NIT2: variants seen among roughly 807,000 people sequenced by gnomAD.
The protein encoded by NIT2 is nitrilase family member 2, also known as omega-amidase NIT2.
In NIT2, 46 loss-of-function variants were observed where a neutral mutation model predicts 42.7. The ratio of observed to expected loss-of-function variants is 1.08; its 90% CI spans 0.85 to 1.38. The LOEUF (loss-of-function observed/expected upper bound fraction) is 1.38. NIT2 is among the 40% of genes most tolerant of loss of function. The pLI, the probability that NIT2 is intolerant of heterozygous loss-of-function variation, is 0.00. For missense variants in NIT2, 309 were observed against 342.5 expected, an observed-to-expected ratio of 0.90 and a Z score of 0.77; for synonymous variants, 123 against 121.9, an observed-to-expected ratio of 1.01 and a Z score of -0.06.
chr3:100,335,986 A>C (rs753543717), intron 1 of NIT2, among the ~76,000 whole-genome samples: 1 of 152,252 alleles, frequency 6.6e-6, no homozygotes, highest in Non-Finnish European at 1.5e-5. Context: ...TTCTGATAAC[A>C]GCTCAAAATA....
At chr3:100,351,572 G>A (rs548506110) in intron 7 of NIT2, among the ~76,000 whole-genome samples, 122 of 152,274 alleles carry the variant, frequency 8.0e-4, no homozygotes, top group African/African-American at 2.9e-3. Flanking sequence ...AGCTGAAACT[G>A]GATCCCTTCC....
Position 100,339,186 on chromosome 3 carries a change from C to T in NIT2, c.107C>T (p.Ala36Val). ...ATCCGGGAGGCAGCAACGCAAGGAG[C>T]CAAAATAGTTTCTTTGCCGGTCAGT... ...SFIREAATQG[A>V]KIVSLPECFN... The change falls in exon 2 of 10, where the codon GCC becomes GTC. Residue 36 changes from alanine (A) to valine (V), a missense_variant. Ala to Val is a moderately conservative substitution (Grantham distance 64). Coordinates refer to ENST00000394140, the MANE Select transcript of NIT2 (RefSeq NM_020202.5). 6.2e-7 allele frequency: 1 copy of T among 1,611,686 alleles called. No individual in the cohort carries two copies. The highest frequency in any genetic ancestry group is 8.5e-7 in the Non-Finnish European group (1 of 1,177,830).
At chr3:100,349,886 G>GTGTC (rs1048365951) in intron 7 of NIT2, 1 of 152,238 alleles carries the variant, frequency 6.6e-6, no homozygotes, top group African/African-American at 2.4e-5. Context: ...GACTGTGAGT[G>GTGTC]TGTCTGTCTG....
Position 100,341,061 on chromosome 3 carries a change from T to C in NIT2, c.248-12T>C. 1 of 1,582,374 alleles carries C rather than the reference T, an allele frequency of 6.3e-7. No individual in the cohort carries two copies. The highest frequency in any genetic ancestry group is 1.1e-5 in the South Asian group (1 of 90,388). ...TCTTTTTCTTATGGTATGTTTCTTC[T>C]CTCAATGAAAGGCTCTATCCCTGAA... On this transcript the variant is annotated splice_polypyrimidine_tract_variant and intron_variant, in intron 3 of 9. Coordinates refer to ENST00000394140, the MANE Select transcript of NIT2 (RefSeq NM_020202.5).
At chr3:100,347,334 G>A (rs1485156691) in intron 6 of NIT2, among the ~76,000 whole-genome samples, 1 of 152,188 alleles carries the variant, frequency 6.6e-6, no homozygotes, top group Non-Finnish European at 1.5e-5. Context: ...GACTTCAGGT[G>A]ATCTACCCGC....
chr3:100,343,580 G>A (rs1306836585), intron 4 of NIT2, among the ~76,000 whole-genome samples: 3 of 152,088 alleles, frequency 2.0e-5, no homozygotes, highest in African/African-American at 7.2e-5. Flanking sequence ...ATTACTCTAT[G>A]ATATTTTCTA....
chr3:100,348,024 GGGATTATA>G (rs1452537628), intron 6 of NIT2, among the ~76,000 whole-genome samples: 2 of 152,136 alleles, frequency 1.3e-5, no homozygotes, highest in East Asian at 3.9e-4. Flanking sequence ...CCCAGTAGCT[GGGATTATA>G]GGCGCTCGCC....
At chr3:100,346,464 A>G (rs1706219260) in intron 6 of NIT2, among the ~76,000 whole-genome samples, 1 of 152,106 alleles carries the variant, frequency 6.6e-6, no homozygotes, top group African/African-American at 2.4e-5. Flanking sequence ...TCATGTAGCT[A>G]AGGTAGGAGC....
In NIT2 at chr3:100,354,804, A is replaced by G. The variant is rs777822640; in HGVS notation, c.716A>G (p.Glu239Gly). 3.7e-6 allele frequency: 6 copies of G among 1,610,614 alleles called. No individual in the cohort carries two copies. The African/African-American group carries it at 8.0e-5, about 22-fold the overall frequency. The change falls in exon 9 of 10, where the codon GAA becomes GGA. Residue 239 changes from glutamate to glycine, a missense_variant. Coordinates refer to ENST00000394140, the MANE Select transcript of NIT2 (RefSeq NM_020202.5). ...GEVLAKAGTE[E>G]AIVYSDIDLK... is the part of the protein sequence containing the mutation. ...GTTCTAGCCAAAGCTGGCACAGAAG[A>G]AGCAATCGTGTATTCAGACATAGGT...
chr3:100,334,875 G>A, intron 1 of NIT2, 77 bp downstream of exon 1: 1 of 1,213,662 alleles, frequency 8.2e-7, no homozygotes. Flanking sequence ...GCGGTGGCTC[G>A]GCCGGCTCAG....
chr3:100,341,203 C>A, intron 4 of NIT2, 42 bp downstream of exon 4: 1 of 1,448,762 alleles, frequency 6.9e-7, no homozygotes, highest in Non-Finnish European at 9.7e-7. Flanking sequence ...ATCTCTAAGC[C>A]AGCAACAATG....
Position 100,356,454 on chromosome 3 carries a change from C to T in NIT2, c.*1186C>T, listed in dbSNP as rs1706326187. 6.6e-6 allele frequency: 1 copy of T among 152,082 alleles called. No homozygotes were observed. Among genetic ancestry groups the T allele is most frequent in the South Asian group, 2.1e-4 (1 of 4,822 alleles). 9.4% of individuals were successfully genotyped at this position (152,082 alleles called of 1,614,324 possible). A position where few individuals can be genotyped will look rare whatever the true frequency, so the allele number is the denominator to read the frequency against. The stretch of plus-strand genomic sequence containing the variant: ...ATAGATATATCATATAGATATTTAC[C>T]ATTTACCATATTGGAAAGTAAAATG... On this transcript the variant is annotated 3_prime_UTR_variant, in exon 10 of 10. Transcript: ENST00000394140.
intron 4 of NIT2, among the ~76,000 whole-genome samples, chr3:100,343,216 C>T (rs1293345221): frequency 6.6e-6 from 1 of 151,740 alleles, no homozygotes; most frequent in Non-Finnish European, 1.5e-5. Flanking sequence ...CTTTGCCTTC[C>T]TTGGTACTTC....
intron 1 of NIT2, chr3:100,335,169 C>A: frequency 3.9e-6 from 1 of 256,928 alleles, no homozygotes; most frequent in Non-Finnish European, 8.1e-6. Flanking sequence ...CAGCCCCGCC[C>A]TGCACAAAGG....
In NIT2 at chr3:100,348,798, C is replaced by T; in HGVS notation, c.506-5C>T. The T allele has an allele frequency of 6.2e-7, 1 of 1,613,740 alleles. No individual in the cohort carries two copies. The highest frequency in any genetic ancestry group is 8.5e-7 in the Non-Finnish European group (1 of 1,179,680). On this transcript the variant is annotated splice_region_variant and splice_polypyrimidine_tract_variant and intron_variant, in intron 6 of 9. Transcript: ENST00000394140. ...CCACTGTTCTTTGGCTTTTCTCTCC[C>T]CAAGGCTGCCAGCTGTTGGTATATC... is the stretch of plus-strand genomic sequence containing the variant.
rs1264189636 is a variant in NIT2 at position 100,339,834 on chromosome 3, A to G, written c.146A>G (p.Tyr49Cys). Residue 49 changes from tyrosine (Y) to cysteine (C), a missense_variant, in exon 3 of 10, where the codon TAT becomes TGT. Physicochemically the swap from Tyr to Cys is radical, Grantham distance 194. Transcript: ENST00000394140. ...TTCTAGGAATGCTTTAATTCTCCAT[A>G]TGGAGCGAAATATTTTCCTGAATAT... Reference protein sequence around the residue: ...VSLPECFNSPYGAKYFPEYAE... With the variant: ...VSLPECFNSPCGAKYFPEYAE... 7.5e-6 allele frequency: 12 copies of G among 1,608,968 alleles called. No homozygotes were observed. In the East Asian group the frequency reaches 2.0e-4, roughly 27 times the overall value.
chr3:100,355,432 C>A lies in NIT2; in HGVS notation c.*164C>A. ...CTCATTATGCTGACATTTTCCACGC[C>A]ACATTAAATAGTTAAAAAGGATGCA... On this transcript the variant is annotated 3_prime_UTR_variant, in exon 10 of 10. Coordinates refer to ENST00000394140, the MANE Select transcript of NIT2 (RefSeq NM_020202.5). 1.8e-6 allele frequency: 1 copy of A among 554,922 alleles called. No individual in the cohort carries two copies. The allele number at this position is 554,922 out of a possible 1,614,324, so 34.4% of individuals were successfully genotyped here.
chr3:100,338,861 G>A (rs1030368488), intron 1 of NIT2, among the ~76,000 whole-genome samples: 11 of 152,152 alleles, frequency 7.2e-5, no homozygotes, highest in African/African-American at 2.4e-4. Context: ...TCTTCGTTGT[G>A]TTATGGAGGG....
intron 9 of NIT2, 134 bp from the exon 10 acceptor site, chr3:100,355,042 CT>C: frequency 1.4e-6 from 1 of 727,750 alleles, no homozygotes; most frequent in Non-Finnish European, 2.3e-6. Flanking sequence ...GCCAGGCCAT[CT>C]GTGCACCTAG....
Sources: allele counts gnomAD v4.1 joint callset (sites outside exome capture counted in the v4.1 genomes callset), GRCh38; gene constraint gnomAD v4.1.1; transcripts MANE v1.5; gene names NCBI Gene and HGNC (gene_info 2026-07-23, HGNC 2026-07-21).